ERI3: variants seen among roughly 807,000 people sequenced by gnomAD.
The protein encoded by ERI3 is ERI1 exoribonuclease family member 3, also known as ERI1 exoribonuclease 3.
Under a neutral mutation model 44.4 loss-of-function variants are expected in ERI3, and 18 were observed. The observed-to-expected ratio is 0.41, with a 90% CI of 0.28 to 0.60. The LOEUF is 0.60. ERI3 is among the 20% of genes least tolerant of loss of function. The pLI, the probability that ERI3 is intolerant of heterozygous loss-of-function variation, is 0.36. For synonymous variants in ERI3, 183 were observed against 164.8 expected, an observed-to-expected ratio of 1.11 and a Z score of -0.84; for missense variants, 294 against 435.5, an observed-to-expected ratio of 0.68 and a Z score of 2.89.
intron 6 of ERI3, among the ~76,000 whole-genome samples, chr1:44,289,535 T>G (rs931160290): frequency 2.0e-5 from 3 of 152,180 alleles, no homozygotes; most frequent in Non-Finnish European, 2.9e-5. Flanking sequence ...GCATTCCCCC[T>G]ACTTAGAAAG....
At chr1:44,273,328 T>C (rs1364641292) in intron 7 of ERI3, among the ~76,000 whole-genome samples, 1 of 152,184 alleles carries the variant, frequency 6.6e-6, no homozygotes, top group Non-Finnish European at 1.5e-5. Flanking sequence ...TCTAATTCCT[T>C]CCCTGCCCAC....
intron 5 of ERI3, among the ~76,000 whole-genome samples, chr1:44,309,200 A>G (rs1381546610): frequency 6.6e-6 from 1 of 152,246 alleles, no homozygotes; most frequent in African/African-American, 2.4e-5. Context: ...GAGAAATATC[A>G]TAAACAATTC....
chr1:44,290,286 A>G (rs1382146588), intron 6 of ERI3, among the ~76,000 whole-genome samples: 3 of 152,234 alleles, frequency 2.0e-5, no homozygotes, highest in East Asian at 1.9e-4. Flanking sequence ...TGTCTTCTTC[A>G]AAGTCATCAT....
chr1:44,306,199 T>C (rs986257704), intron 6 of ERI3, among the ~76,000 whole-genome samples: 8 of 152,224 alleles, frequency 5.3e-5, no homozygotes, highest in Non-Finnish European at 1.2e-4. Context: ...TGAAAACCCT[T>C]TTCTGAAGCT....
chr1:44,315,983 CTT>C (rs5773826), intron 4 of ERI3, among the ~76,000 whole-genome samples: 603 of 145,594 alleles, frequency 4.1e-3, no homozygotes, highest in Non-Finnish European at 4.6e-3. Flanking sequence ...GAGACCCCAT[CTT>C]TTTTTTTTTT....
chr1:44,245,280 C>T (rs918483042), intron 8 of ERI3, among the ~76,000 whole-genome samples: 1 of 152,186 alleles, frequency 6.6e-6, no homozygotes, highest in Non-Finnish European at 1.5e-5. Context: ...TGCCCTGCAT[C>T]CTCCCTCCCT....
At chr1:44,297,824 C>T (rs1003109559) in intron 6 of ERI3, among the ~76,000 whole-genome samples, 11 of 152,242 alleles carry the variant, frequency 7.2e-5, no homozygotes, top group African/African-American at 2.4e-4. Flanking sequence ...GAGATTAATT[C>T]TCTCCTCTCA....
chr1:44,277,732 T>C (rs1311881602), intron 7 of ERI3, among the ~76,000 whole-genome samples: 1 of 152,252 alleles, frequency 6.6e-6, no homozygotes, highest in Non-Finnish European at 1.5e-5. Flanking sequence ...TTTTACTCTC[T>C]GTCTCTTCAG....
rs1644277014 is a variant in ERI3, at chr1:44,235,226, G to T, written c.931+12713C>A. 6.6e-6 allele frequency among the ~76,000 whole-genome samples: 1 copy of T among 152,100 alleles called. No homozygotes were observed. The highest frequency in any genetic ancestry group is 1.5e-5 in the Non-Finnish European group (1 of 68,018). Reference sequence around the variant, plus strand: ...TTATAAAAGTCTGAGTTCTGGACCTGTTTACATCTCTGGTCTCATCAGTCC... The same window carrying T: ...TTATAAAAGTCTGAGTTCTGGACCTTTTTACATCTCTGGTCTCATCAGTCC... On this transcript the variant is annotated intron_variant, in intron 8 of 8. Transcript: ENST00000372257. This position sits in a 1 kb window ranked among gnomAD's most constrained non-coding sequence, Gnocchi z 4.6.
At chr1:44,243,003 C>T (rs1644474247) in intron 8 of ERI3, among the ~76,000 whole-genome samples, 1 of 152,218 alleles carries the variant, frequency 6.6e-6, no homozygotes, top group Admixed American at 6.5e-5. Flanking sequence ...GACGATTCTC[C>T]CGCAGTGACA....
intron 7 of ERI3, among the ~76,000 whole-genome samples, chr1:44,259,429 G>A (rs1436959545): frequency 1.3e-5 from 2 of 152,170 alleles, no homozygotes; most frequent in African/African-American, 4.8e-5. Flanking sequence ...AGGAAGGCAG[G>A]AGATGCAGCC....
chr1:44,329,430 C>T (rs1481558723), intron 3 of ERI3, among the ~76,000 whole-genome samples: 2 of 152,208 alleles, frequency 1.3e-5, no homozygotes, highest in African/African-American at 4.8e-5. Context: ...TAGACCTGAT[C>T]AAAATGCCAT....
intron 8 of ERI3, among the ~76,000 whole-genome samples, chr1:44,234,245 A>G (rs1022462578): frequency 6.6e-6 from 1 of 152,168 alleles, no homozygotes; most frequent in Non-Finnish European, 1.5e-5. Context: ...TTCTAAGCCC[A>G]TGTTCCCATT....
chr1:44,259,116 A>G (rs1778905), intron 7 of ERI3, among the ~76,000 whole-genome samples: 42,592 of 152,086 alleles, frequency 0.28, 6,019 homozygotes, highest in African/African-American at 0.3. Context: ...CACTGTCCTC[A>G]GAGAGCTTCC....
chr1:44,306,304 C>T (rs1034180277), intron 6 of ERI3, among the ~76,000 whole-genome samples: 4 of 152,198 alleles, frequency 2.6e-5, no homozygotes, highest in Admixed American at 2.0e-4. Context: ...TCAATTCTGT[C>T]TAGCTACACG....
intron 3 of ERI3, among the ~76,000 whole-genome samples, chr1:44,326,425 C>T (rs1372465473): frequency 6.6e-6 from 1 of 152,110 alleles, no homozygotes; most frequent in Non-Finnish European, 1.5e-5. Context: ...AAAAAAAAGA[C>T]ATTTTATGCA....
chr1:44,342,224 G>A (rs1016317807), intron 2 of ERI3, among the ~76,000 whole-genome samples: 43 of 152,306 alleles, frequency 2.8e-4, no homozygotes, highest in Admixed American at 1.5e-3. Flanking sequence ...GTGTGGTGCA[G>A]CATGTCAGAG....
chr1:44,302,761 G>A (rs1302522591), intron 6 of ERI3, among the ~76,000 whole-genome samples: 2 of 152,178 alleles, frequency 1.3e-5, no homozygotes, highest in African/African-American at 4.8e-5. Context: ...GAGGAGAGGG[G>A]CATTCCCACC....
chr1:44,221,489 T>G lies in ERI3; in HGVS notation c.*69A>C. 8.1e-7 allele frequency: 1 copy of G among 1,234,844 alleles called. No homozygotes were observed. Among genetic ancestry groups the G allele is most frequent in the Non-Finnish European group, 1.2e-6 (1 of 837,700 alleles). The allele number at this position is 1,234,844 out of a possible 1,614,324, so 76.5% of individuals were successfully genotyped here. ...TGCCACTCTCCCTCTTCCCCTCTGG[T>G]GAGGGAGAGGAGGATTCTGGGCTGG... On this transcript the variant is annotated 3_prime_UTR_variant, in exon 9 of 9. Coordinates refer to ENST00000372257, the MANE Select transcript of ERI3 (RefSeq NM_024066.3). The surrounding 1 kb of genome is among the most constrained non-coding windows in gnomAD (Gnocchi z 5.9).
Sources: gnomAD v4.1 joint callset for allele counts (sites outside exome capture counted in the v4.1 genomes callset) on GRCh38, gnomAD v4.1.1 for gene constraint, Gnocchi (gnomAD v3.1) non-coding constraint, MANE v1.5 for transcripts, NCBI Gene and HGNC (gene_info 2026-07-23, HGNC 2026-07-21) for gene names.